KIF5C: variants seen among roughly 807,000 people sequenced by gnomAD.
The protein encoded by KIF5C is kinesin heavy chain isoform 5C.
Under a neutral mutation model 125.2 loss-of-function variants are expected in KIF5C, and 18 were observed. That is an observed-to-expected ratio of 0.14 (90% CI 0.10 to 0.21). The LOEUF (loss-of-function observed/expected upper bound fraction) is 0.21, where lower values mean the gene tolerates loss of function less well. Among genes scored for constraint, KIF5C ranks in the 10% least tolerant of loss-of-function variants. The pLI is 1.00. For missense variants in KIF5C, 780 were observed against 1,183.8 expected, an observed-to-expected ratio of 0.66 and a Z score of 5.01; for synonymous variants, 405 against 434.0, an observed-to-expected ratio of 0.93 and a Z score of 0.83.
chr2:148,987,825 T>C (rs1574815977), intron 15 of KIF5C, among the ~76,000 whole-genome samples: 1 of 152,238 alleles, frequency 6.6e-6, no homozygotes, highest in Non-Finnish European at 1.5e-5. Context: ...TGGCCCACAC[T>C]GACTTCTTTT....
intron 15 of KIF5C, among the ~76,000 whole-genome samples, chr2:148,988,455 G>C (rs1272663464): frequency 6.6e-6 from 1 of 152,106 alleles, no homozygotes; most frequent in Non-Finnish European, 1.5e-5. Flanking sequence ...ATGGGATCTA[G>C]GCATAAAAGA....
At chr2:149,007,888 T>G (rs1258288932) in intron 22 of KIF5C, 75 bp from the exon 23 acceptor site, 15 of 1,364,734 alleles carry the variant, frequency 1.1e-5, no homozygotes, top group Non-Finnish European at 1.3e-5. Flanking sequence ...GATTTTTTTT[T>G]TCCATCCACA....
At chr2:148,883,266 C>T (rs1558870488) in intron 1 of KIF5C, among the ~76,000 whole-genome samples, 1 of 152,088 alleles carries the variant, frequency 6.6e-6, no homozygotes, top group Non-Finnish European at 1.5e-5. Flanking sequence ...CTTTGGGAGG[C>T]CGAGGTGGGT....
At chr2:148,927,875 C>T (rs1682063407) in intron 2 of KIF5C, among the ~76,000 whole-genome samples, 1 of 151,958 alleles carries the variant, frequency 6.6e-6, no homozygotes, top group Non-Finnish European at 1.5e-5. Context: ...ATTCTCTCTC[C>T]CTCCTCTTGC....
chr2:148,980,866 C>G (rs1681215173), intron 13 of KIF5C, among the ~76,000 whole-genome samples: 1 of 151,916 alleles, frequency 6.6e-6, no homozygotes, highest in Non-Finnish European at 1.5e-5. Flanking sequence ...CCACCACACC[C>G]AGCTATTTTT....
intron 1 of KIF5C, among the ~76,000 whole-genome samples, chr2:148,895,366 A>T (rs1462375384): frequency 6.6e-6 from 1 of 151,960 alleles, no homozygotes; most frequent in African/African-American, 2.4e-5. Context: ...TCAAACTCCT[A>T]ACCTCAAGTG....
chr2:148,895,545 A>T (rs996788606), intron 1 of KIF5C, among the ~76,000 whole-genome samples: 1 of 152,096 alleles, frequency 6.6e-6, no homozygotes, highest in Admixed American at 6.6e-5. Context: ...TTATAAAAAT[A>T]CTGTATATAT....
At chr2:148,952,700 C>T (rs1471509897) in intron 10 of KIF5C, among the ~76,000 whole-genome samples, 1 of 152,122 alleles carries the variant, frequency 6.6e-6, no homozygotes, top group Non-Finnish European at 1.5e-5. Flanking sequence ...AGTCTTCTCT[C>T]CCACAGAGAG....
chr2:148,875,848 C>T (rs1681166093), intron 1 of KIF5C, 105 bp downstream of exon 1: 2 of 1,461,680 alleles, frequency 1.4e-6, no homozygotes, highest in Admixed American at 4.6e-5. Context: ...TCGGACATTC[C>T]CGCGGGGCTG....
intron 18 of KIF5C, 156 bp from the exon 19 acceptor site, chr2:148,998,244 C>T (rs750870611): frequency 2.0e-4 from 246 of 1,248,672 alleles, no homozygotes; most frequent in Non-Finnish European, 2.6e-4. Context: ...AAAGCAAGGC[C>T]GGGTCCTGGG....
chr2:148,902,113 A>G (rs1680928373), intron 1 of KIF5C, among the ~76,000 whole-genome samples: 1 of 152,120 alleles, frequency 6.6e-6, no homozygotes, highest in South Asian at 2.1e-4. Context: ...CCATAACAAA[A>G]TGGAAATCCT....
intron 25 of KIF5C, among the ~76,000 whole-genome samples, 155 bp from the exon 26 acceptor site, chr2:149,022,923 T>C (rs1187283209): frequency 6.6e-6 from 1 of 152,114 alleles, no homozygotes; most frequent in Non-Finnish European, 1.5e-5. Flanking sequence ...AAACTCCATC[T>C]CAAAAACAAA....
chr2:148,890,769 G>C (rs1326720074), intron 1 of KIF5C, among the ~76,000 whole-genome samples: 1 of 152,152 alleles, frequency 6.6e-6, no homozygotes, highest in African/African-American at 2.4e-5. Context: ...CCCTTTTCAG[G>C]TTCCCATGAG....
intron 25 of KIF5C, chr2:149,020,205 G>A (rs1392715707): frequency 6.6e-6 from 1 of 152,204 alleles, no homozygotes; most frequent in Non-Finnish European, 1.5e-5. Context: ...TGGGAAGGAT[G>A]GATGAGAGCA....
At chr2:148,994,399 C>G (rs1186565213) in intron 16 of KIF5C, 22 bp from the exon 17 acceptor site, 2 of 1,550,056 alleles carry the variant, frequency 1.3e-6, no homozygotes, top group Admixed American at 2.0e-5. Context: ...GTCATTCACT[C>G]TTCCTTTTTG....
chr2:148,986,739 T>C (rs758891039), intron 15 of KIF5C, among the ~76,000 whole-genome samples: 2 of 152,194 alleles, frequency 1.3e-5, no homozygotes, highest in Non-Finnish European at 2.9e-5. Flanking sequence ...GGGAAAAATA[T>C]GACTATTGGA....
chr2:148,943,340 G>C (rs1682449697), intron 7 of KIF5C, among the ~76,000 whole-genome samples: 1 of 152,132 alleles, frequency 6.6e-6, no homozygotes, highest in African/African-American at 2.4e-5. Flanking sequence ...TATGTTCATT[G>C]CATCTCAGGG....
rs143213544 is a variant in KIF5C, at chr2:149,017,867, A to G, written c.*8-5211A>G. On this transcript the variant is annotated intron_variant, in intron 25 of 25. Transcript: ENST00000435030. ...GAAATTAAATCGAAATAAAACCACA[A>G]ATAAAAAGTCCAAACCACCAAACTT... Among the ~76,000 whole-genome samples, 396 of 152,338 alleles carry G rather than the reference A, an allele frequency of 2.6e-3. 2 individuals carry two copies. The highest frequency in any genetic ancestry group is 8.4e-3 in the African/African-American group (349 of 41,578).
At chr2:149,007,659 C>T (rs1224093776) in intron 22 of KIF5C, among the ~76,000 whole-genome samples, 1 of 151,452 alleles carries the variant, frequency 6.6e-6, no homozygotes, top group Non-Finnish European at 1.5e-5. Context: ...AAAGAAGTCT[C>T]TATTTACTAC....
Sources: gnomAD v4.1 joint callset for allele counts (sites outside exome capture counted in the v4.1 genomes callset) on GRCh38, gnomAD v4.1.1 for gene constraint, MANE v1.5 for transcripts, NCBI Gene and HGNC (gene_info 2026-07-23, HGNC 2026-07-21) for gene names.